The following MARCHF1 variants were observed in gnomAD, a reference collection of about 807,000 sequenced individuals.
MARCHF1 encodes the protein membrane associated ring-CH-type finger 1.
A neutral mutation model predicts 54.2 loss-of-function variants in MARCHF1; 40 were observed. That is an observed-to-expected ratio of 0.74 (90% CI 0.57 to 0.96). MARCHF1 has a LOEUF of 0.96. Ranked by LOEUF, MARCHF1 falls within the 40% of genes least tolerant of loss-of-function variation. MARCHF1 has a pLI of 0.00. For synonymous variants in MARCHF1, 236 were observed against 236.3 expected, an observed-to-expected ratio of 1.00 and a Z score of 0.01; for missense variants, 586 against 656.5, an observed-to-expected ratio of 0.89 and a Z score of 1.17.
intron 5 of MARCHF1, among the ~76,000 whole-genome samples, chr4:163,691,760 C>T (rs1744464414): frequency 6.6e-6 from 1 of 152,144 alleles, no homozygotes. Flanking sequence ...AAATGGATCT[C>T]AGTGGTCCAA....
intron 1 of MARCHF1, among the ~76,000 whole-genome samples, chr4:164,376,951 C>A (rs746840717): frequency 2.6e-5 from 4 of 152,090 alleles, no homozygotes; most frequent in Non-Finnish European, 5.9e-5. Context: ...ACAGTCAGCC[C>A]CAATGAGCCT....
chr4:164,208,590 T>A (rs1294079573), intron 1 of MARCHF1, among the ~76,000 whole-genome samples: 1 of 152,184 alleles, frequency 6.6e-6, no homozygotes, highest in East Asian at 1.9e-4. Flanking sequence ...TCAACATGGA[T>A]AAATGATCAA....
intron 1 of MARCHF1, among the ~76,000 whole-genome samples, chr4:164,368,535 C>G (rs993244598): frequency 1.3e-5 from 2 of 151,982 alleles, no homozygotes; most frequent in African/African-American, 4.8e-5. Context: ...ATTATCAAAG[C>G]TAGACAACAA....
chr4:164,162,224 T>C (rs932885962), intron 1 of MARCHF1, among the ~76,000 whole-genome samples: 1 of 152,036 alleles, frequency 6.6e-6, no homozygotes, highest in Non-Finnish European at 1.5e-5. Context: ...AAGAGCCAAA[T>C]AGAACTTCTA....
At chr4:163,957,871 T>C (rs902034472) in intron 3 of MARCHF1, among the ~76,000 whole-genome samples, 1 of 152,068 alleles carries the variant, frequency 6.6e-6, no homozygotes, top group Non-Finnish European at 1.5e-5. Context: ...GCTCCTGCAA[T>C]AGCCTCCTAA....
intron 2 of MARCHF1, among the ~76,000 whole-genome samples, chr4:164,054,855 C>T (rs1174123043): frequency 2.0e-5 from 3 of 150,164 alleles, no homozygotes; most frequent in African/African-American, 4.9e-5. Flanking sequence ...GTGCAGTGCA[C>T]CAGCATGGCA....
intron 5 of MARCHF1, among the ~76,000 whole-genome samples, chr4:163,631,758 A>T (rs1247701496): frequency 6.6e-6 from 1 of 152,246 alleles, no homozygotes; most frequent in Non-Finnish European, 1.5e-5. Context: ...GGATTTGGCA[A>T]TGATTTCTTA....
chr4:164,307,080 A>G (rs10517805), intron 1 of MARCHF1, among the ~76,000 whole-genome samples: 13,149 of 152,206 alleles, frequency 0.086, 1,340 homozygotes, highest in African/African-American at 0.24. Flanking sequence ...TTGCTTGAAC[A>G]AAAGATCTAA....
intron 8 of MARCHF1, among the ~76,000 whole-genome samples, chr4:163,548,871 C>G (rs1242624505): frequency 1.3e-5 from 2 of 152,206 alleles, no homozygotes; most frequent in Admixed American, 1.3e-4. Context: ...ACAAAGCTGT[C>G]ATGAAAGTGC....
intron 1 of MARCHF1, among the ~76,000 whole-genome samples, chr4:164,243,659 T>C (rs1357718631): frequency 7.0e-6 from 1 of 143,878 alleles, no homozygotes; most frequent in East Asian, 2.2e-4. Context: ...AGACACAGAC[T>C]GGCAAATTGG....
chr4:164,318,843 T>G (rs923667383), intron 1 of MARCHF1, among the ~76,000 whole-genome samples: 7 of 152,212 alleles, frequency 4.6e-5, no homozygotes, highest in African/African-American at 1.7e-4. Context: ...AAATTGAATT[T>G]AATATGAGAA....
chr4:164,215,395 C>CT (rs1731901602), intron 1 of MARCHF1, among the ~76,000 whole-genome samples: 1 of 152,096 alleles, frequency 6.6e-6, no homozygotes, highest in Admixed American at 6.5e-5. Flanking sequence ...TGTCCAACTG[C>CT]TTGTGTGTCT....
At chr4:164,378,284 T>A (rs1731256987) in intron 1 of MARCHF1, among the ~76,000 whole-genome samples, 1 of 152,190 alleles carries the variant, frequency 6.6e-6, no homozygotes, top group Non-Finnish European at 1.5e-5. Context: ...ATTTTGGCAG[T>A]CTTGAGGGAC....
At chr4:163,680,370 TATA>T (rs1744064661) in intron 5 of MARCHF1, among the ~76,000 whole-genome samples, 1 of 152,284 alleles carries the variant, frequency 6.6e-6, no homozygotes, top group Non-Finnish European at 1.5e-5. Context: ...TTTGTGACAC[TATA>T]ATATCTTCCT....
intron 1 of MARCHF1, among the ~76,000 whole-genome samples, chr4:164,279,942 G>C (rs1030563457): frequency 1.3e-5 from 2 of 151,508 alleles, no homozygotes; most frequent in African/African-American, 4.8e-5. Flanking sequence ...ACCCAACTAA[G>C]TATGTATTAT....
intron 5 of MARCHF1, among the ~76,000 whole-genome samples, chr4:163,630,775 A>G (rs1020748248): frequency 1.3e-5 from 2 of 152,144 alleles, no homozygotes; most frequent in Non-Finnish European, 2.9e-5. Context: ...AGAACAAAAG[A>G]AAAAGGGAAA....
intron 2 of MARCHF1, among the ~76,000 whole-genome samples, chr4:164,099,376 T>C (rs1755486076): frequency 6.6e-6 from 1 of 152,200 alleles, no homozygotes; most frequent in Non-Finnish European, 1.5e-5. Flanking sequence ...ACTATGTCTG[T>C]CTATATACTT....
intron 1 of MARCHF1, among the ~76,000 whole-genome samples, chr4:164,165,727 T>C (rs1198130264): frequency 6.6e-6 from 1 of 151,940 alleles, no homozygotes; most frequent in Non-Finnish European, 1.5e-5. Flanking sequence ...AATACTGGGG[T>C]GGGCATTGAG....
At chr4:163,817,910 A>G (rs537811799) in intron 4 of MARCHF1, among the ~76,000 whole-genome samples, 16 of 136,704 alleles carry the variant, frequency 1.2e-4, no homozygotes, top group African/African-American at 3.9e-4. Context: ...GAATTGAACA[A>G]TGAGAACACA....
Sources: gnomAD v4.1 joint callset for allele counts (sites outside exome capture counted in the v4.1 genomes callset) on GRCh38, gnomAD v4.1.1 for gene constraint, MANE v1.5 for transcripts, NCBI Gene and HGNC (gene_info 2026-07-23, HGNC 2026-07-21) for gene names.